Variants in SERPINB7 observed in about 807,000 individuals in gnomAD.
SERPINB7 encodes serpin family B member 7.
SERPINB7 carries 31 observed loss-of-function variants against 37.4 expected under a neutral mutation model. That is an observed-to-expected ratio of 0.83 (90% CI 0.62 to 1.12). The LOEUF (loss-of-function observed/expected upper bound fraction) is 1.12, where lower values mean the gene tolerates loss of function less well. Among genes scored for constraint, SERPINB7 ranks in the 50% most tolerant of loss-of-function variants. SERPINB7 has a pLI of 0.00. For missense variants in SERPINB7, 521 were observed against 455.3 expected, an observed-to-expected ratio of 1.14 and a Z score of -1.31; for synonymous variants, 163 against 166.1, an observed-to-expected ratio of 0.98 and a Z score of 0.14.
chr18:63,794,284 G>T (rs79733069), intron 4 of SERPINB7, among the ~76,000 whole-genome samples: 5,569 of 151,794 alleles, frequency 0.037, 132 homozygotes, highest in African/African-American at 0.07. Context: ...AAGTGGTAGA[G>T]AATAGCAACA....
At chr18:63,792,533 C>A (rs779808732) in intron 3 of SERPINB7, 90 bp downstream of exon 3, 3 of 834,090 alleles carry the variant, frequency 3.6e-6, no homozygotes, top group East Asian at 2.5e-5. Flanking sequence ...AAGGCTGAGG[C>A]GGGTGGATGA....
chr18:63,770,259 C>T (rs965677318), intron 1 of SERPINB7, among the ~76,000 whole-genome samples: 2 of 151,112 alleles, frequency 1.3e-5, no homozygotes, highest in Non-Finnish European at 3.0e-5. Flanking sequence ...ATTATAGCTG[C>T]AGGGTGTGGT....
intron 2 of SERPINB7, among the ~76,000 whole-genome samples, chr18:63,784,190 T>C (rs2049341922): frequency 6.6e-6 from 1 of 152,206 alleles, no homozygotes; most frequent in Non-Finnish European, 1.5e-5. Context: ...TGCTGGTAGA[T>C]GGCGGACCTG....
intron 2 of SERPINB7, among the ~76,000 whole-genome samples, chr18:63,791,444 C>G (rs2049426055): frequency 6.6e-6 from 1 of 151,794 alleles, no homozygotes. Context: ...TCCAAAATTA[C>G]AAAAAATAAC....
At chr18:63,761,056 T>C (rs1291317261) in intron 1 of SERPINB7, among the ~76,000 whole-genome samples, 1 of 152,140 alleles carries the variant, frequency 6.6e-6, no homozygotes, top group African/African-American at 2.4e-5. Context: ...AGCTTGTACT[T>C]TGCGCCTGGA....
At chr18:63,794,046 C>G (rs140365822) in intron 4 of SERPINB7, among the ~76,000 whole-genome samples, 1,922 of 151,012 alleles carry the variant, frequency 0.013, 47 homozygotes, top group African/African-American at 0.044. Context: ...CGGGTTCAAG[C>G]GATTCTCCTG....
chr18:63,761,805 A>G (rs978769142), intron 1 of SERPINB7, among the ~76,000 whole-genome samples: 1 of 152,108 alleles, frequency 6.6e-6, no homozygotes. Flanking sequence ...GAGGCCTCCC[A>G]AGCTATGTGG....
At chr18:63,799,970 C>A (rs920281171) in intron 6 of SERPINB7, among the ~76,000 whole-genome samples, 2 of 152,132 alleles carry the variant, frequency 1.3e-5, no homozygotes, top group African/African-American at 4.8e-5. Flanking sequence ...ATAAGAGCTA[C>A]TTATTTTTTG....
At chr18:63,761,244 C>T (rs1269219268) in intron 1 of SERPINB7, among the ~76,000 whole-genome samples, 5 of 152,180 alleles carry the variant, frequency 3.3e-5, no homozygotes, top group Non-Finnish European at 7.4e-5. Flanking sequence ...ATTTGACTGC[C>T]CTGCTGGATT....
At chr18:63,780,555 A>G (rs367961576) in intron 1 of SERPINB7, among the ~76,000 whole-genome samples, 13 of 152,250 alleles carry the variant, frequency 8.5e-5, no homozygotes, top group Admixed American at 4.6e-4. Flanking sequence ...TTTGTTGCAA[A>G]GAGTTTCTCC....
intron 2 of SERPINB7, among the ~76,000 whole-genome samples, chr18:63,783,772 A>C (rs1487800844): frequency 6.6e-6 from 1 of 151,916 alleles, no homozygotes; most frequent in Non-Finnish European, 1.5e-5. Flanking sequence ...CCCTGTGCCC[A>C]CCTCTTGCCC....
intron 1 of SERPINB7, among the ~76,000 whole-genome samples, chr18:63,769,762 A>T (rs1382392887): frequency 1.3e-5 from 2 of 152,092 alleles, no homozygotes; most frequent in East Asian, 3.9e-4. Context: ...TGCTCTATTG[A>T]TTCTGTTCAT....
At chr18:63,783,125 G>A (rs548563740) in intron 2 of SERPINB7, among the ~76,000 whole-genome samples, 4 of 151,320 alleles carry the variant, frequency 2.6e-5, no homozygotes, top group Admixed American at 1.3e-4. Context: ...GCGACAGAGC[G>A]AGACTCCGTC....
chr18:63,794,428 C>T (rs549893716), intron 4 of SERPINB7, among the ~76,000 whole-genome samples: 2 of 152,148 alleles, frequency 1.3e-5, no homozygotes, highest in East Asian at 1.9e-4. Context: ...CGGTGGCTCA[C>T]GCCTGTAATC....
upstream of SERPINB7, among the ~76,000 whole-genome samples, chr18:63,774,067 A>G (rs2049227674): frequency 6.6e-6 from 1 of 152,108 alleles, no homozygotes; most frequent in Non-Finnish European, 1.5e-5. Flanking sequence ...TATGGAGAAC[A>G]GGGAATCCAT....
intron 4 of SERPINB7, among the ~76,000 whole-genome samples, chr18:63,795,425 G>A (rs986429216): frequency 2.0e-5 from 3 of 152,038 alleles, no homozygotes; most frequent in African/African-American, 7.3e-5. Context: ...GCCCAGCGTG[G>A]TGGCAGGCAC....
chr18:63,800,796 T>C, intron 6 of SERPINB7, 70 bp from the exon 7 acceptor site: 1 of 1,533,086 alleles, frequency 6.5e-7, no homozygotes, highest in Non-Finnish European at 8.9e-7. Context: ...TACAATATTC[T>C]TATATGTATT....
chr18:63,769,335 T>C (rs2144592947), intron 1 of SERPINB7, among the ~76,000 whole-genome samples: 1 of 150,760 alleles, frequency 6.6e-6, no homozygotes, highest in African/African-American at 2.5e-5. Flanking sequence ...CTATTTGCTA[T>C]TACTATCTAT....
In SERPINB7 at chr18:63,780,093, C is replaced by T. The variant is rs186210592; in HGVS notation, c.-18-2262C>T. On this transcript the variant is annotated intron_variant, in intron 1 of 7. Transcript: ENST00000398019. ...CACATTTTATGAAAACATTAAAATA[C>T]ACCCAATCTTCTATTAAATATATTT... Among the ~76,000 whole-genome samples, 320 of 152,218 alleles carry T rather than the reference C, an allele frequency of 2.1e-3. 3 individuals are homozygous for T. Among genetic ancestry groups the T allele is most frequent in the Middle Eastern group, 3.4e-3 (1 of 294 alleles).
Sources: gnomAD v4.1 joint callset for allele counts (sites outside exome capture counted in the v4.1 genomes callset) on GRCh38, gnomAD v4.1.1 for gene constraint, MANE v1.5 for transcripts, NCBI Gene and HGNC (gene_info 2026-07-23, HGNC 2026-07-21) for gene names.